CACNA1E: variants seen among roughly 807,000 people sequenced by gnomAD.
The protein encoded by CACNA1E is calcium voltage-gated channel subunit alpha1 E, also known as voltage-dependent R-type calcium channel subunit alpha-1E.
A neutral mutation model predicts 259.2 loss-of-function variants in CACNA1E; 40 were observed. That is an observed-to-expected ratio of 0.15 (90% confidence interval 0.12 to 0.20). CACNA1E has a LOEUF of 0.20. CACNA1E is among the 10% of genes least tolerant of loss of function. The pLI, the probability that CACNA1E is intolerant of heterozygous loss-of-function variation, is 1.00. For synonymous variants in CACNA1E, 1,104 were observed against 1,138.5 expected (o/e 0.97, Z 0.61); for missense variants, 1,874 against 3,040.1 (o/e 0.62, Z 9.02).
At position 181,761,990 on chromosome 1, in the gene CACNA1E, T is replaced by C. The variant is rs539262471; in HGVS notation, c.4606-584T>C. ...TATCCTATTACCAATCAGTAGTTGG[T>C]TTGAAAAGGCTCAATGGAGTTAGGA... On this transcript the variant is annotated intron_variant, in intron 32 of 47. Transcript: ENST00000367573. Among the ~76,000 whole-genome samples, 4 of 152,342 alleles carry C rather than the reference T, an allele frequency of 2.6e-5. No individual in the cohort carries two copies. The East Asian group carries it at 7.7e-4, about 29-fold the overall frequency.
chr1:181,719,126 C>T (rs762695253), intron 12 of CACNA1E, among the ~76,000 whole-genome samples: 14 of 152,186 alleles, frequency 9.2e-5, no homozygotes, highest in African/African-American at 1.7e-4. Flanking sequence ...CCGTACCTTT[C>T]GGCATTGCTG....
At chr1:181,322,027 T>G (rs1334588080) in intron 1 of CACNA1E, among the ~76,000 whole-genome samples, 2 of 152,034 alleles carry the variant, frequency 1.3e-5, no homozygotes, top group Non-Finnish European at 2.9e-5. Flanking sequence ...AGATGGGGCT[T>G]ATGGACAGGA....
At chr1:181,622,597 C>A (rs922948292) in intron 6 of CACNA1E, among the ~76,000 whole-genome samples, 102 of 152,210 alleles carry the variant, frequency 6.7e-4, no homozygotes, top group Non-Finnish European at 5.9e-5. Context: ...GTAATAATAC[C>A]AGTAAGGTTG....
chr1:181,425,452 G>A lies in CACNA1E; in HGVS notation c.434+11872G>A, dbSNP rs570792648. On this transcript the variant is annotated intron_variant, in intron 2 of 11. Coordinates refer to the CACNA1E transcript ENST00000524607. ...AGAAAAGGAAGTGCTCATTGTGGAGGAGGTGAACATAATTGGAGGAATTCG... is the reference window on the plus strand; with the variant it reads ...AGAAAAGGAAGTGCTCATTGTGGAGAAGGTGAACATAATTGGAGGAATTCG... Among the ~76,000 whole-genome samples, 24 of 152,234 alleles carry A rather than the reference G, an allele frequency of 1.6e-4. No homozygotes were observed. In the South Asian group the frequency reaches 2.5e-3, roughly 16 times the overall value.
rs149803681 is a variant in CACNA1E, at chr1:181,766,476, G to C, written c.4816-70G>C. The C allele has an allele frequency of 2.2e-3, 2,333 of 1,067,856 alleles. 35 individuals carry two copies. The African/African-American group carries it at 0.03, about 14-fold the overall frequency. The allele number at this position is 1,067,856 out of a possible 1,614,324, so 66.1% of individuals were successfully genotyped here. On this transcript the variant is annotated intron_variant, in intron 34 of 47. Coordinates refer to ENST00000367573, the MANE Select transcript of CACNA1E (RefSeq NM_001205293.3). ...CTCCAGGCAAGATCCTGTACTGCCGGTGACTGCAGGTTGTTGAGCTTGGGT... is the reference window on the plus strand; with the variant it reads ...CTCCAGGCAAGATCCTGTACTGCCGCTGACTGCAGGTTGTTGAGCTTGGGT...
At chr1:181,631,182 A>T (rs1434908255) in intron 6 of CACNA1E, among the ~76,000 whole-genome samples, 1 of 152,146 alleles carries the variant, frequency 6.6e-6, no homozygotes, top group Admixed American at 6.5e-5. Context: ...CATGATCCTC[A>T]GTTAATTAGG....
intron 6 of CACNA1E, among the ~76,000 whole-genome samples, chr1:181,634,420 C>A (rs1657021835): frequency 6.6e-6 from 1 of 152,218 alleles, no homozygotes; most frequent in South Asian, 2.1e-4. Context: ...GAAAGCGAGA[C>A]TGTCTTCCAT....
intron 1 of CACNA1E, among the ~76,000 whole-genome samples, chr1:181,509,251 A>T (rs1665971269): frequency 6.6e-6 from 1 of 152,130 alleles, no homozygotes. Context: ...CTCCCCAGAG[A>T]TGCCCTGGGT....
At position 181,489,840 on chromosome 1, in the gene CACNA1E, C is replaced by G. The variant is rs1300316474; in HGVS notation, c.266+5830C>G. On this transcript the variant is annotated intron_variant, in intron 1 of 47. Transcript: ENST00000367573. ...GTGTCTAACACTCCGCCACCACTAC[C>G]ACCACCACGATGTGGCTTCTAAAGC... 2.0e-5 allele frequency among the ~76,000 whole-genome samples: 3 copies of G among 152,188 alleles called. No homozygotes were observed. In the East Asian group the frequency reaches 5.8e-4, roughly 29 times the overall value.
At chr1:181,499,748 C>T (rs1343826098) in intron 1 of CACNA1E, among the ~76,000 whole-genome samples, 1 of 152,176 alleles carries the variant, frequency 6.6e-6, no homozygotes, top group East Asian at 1.9e-4. Context: ...GAGATAGGAC[C>T]CCTGTATTCT....
At chr1:181,662,862 T>C (rs1647828451) in intron 7 of CACNA1E, among the ~76,000 whole-genome samples, 1 of 152,220 alleles carries the variant, frequency 6.6e-6, no homozygotes, top group East Asian at 1.9e-4. Context: ...GGGCCCCACA[T>C]GAGGCCATCA....
Position 181,372,828 on chromosome 1 carries a change from A to ATATATTT in CACNA1E, c.-14-40304_-14-40303insATATTTT, listed in dbSNP as rs1491221060. Among the ~76,000 whole-genome samples, 27 of 101,644 alleles carry ATATATTT rather than the reference A, an allele frequency of 2.7e-4. 1 individual carries two copies. The highest frequency in any genetic ancestry group is 1.9e-3 in the East Asian group (8 of 4,178). 66.7% of individuals were successfully genotyped at this position (101,644 alleles called of 152,430 possible). A position where few individuals can be genotyped will look rare whatever the true frequency, so the allele number is the denominator to read the frequency against. ...ATGTTGAATATATATATATATATAT[A>ATATATTT]TTTTTTTTTTAACATGAAGGGATAT... On this transcript the variant is annotated intron_variant, in intron 1 of 11. Coordinates refer to the CACNA1E transcript ENST00000524607.
intron 2 of CACNA1E, among the ~76,000 whole-genome samples, chr1:181,458,824 C>CCCATCCATCCAT (rs57607890): frequency 4.7e-5 from 7 of 150,490 alleles, no homozygotes; most frequent in Admixed American, 4.0e-4. Flanking sequence ...CATTTATTTA[C>CCCATCCATCCAT]CCATCCATCC....
chr1:181,792,761 T>G (rs1046940262), intron 44 of CACNA1E, among the ~76,000 whole-genome samples: 1 of 152,242 alleles, frequency 6.6e-6, no homozygotes, highest in African/African-American at 2.4e-5. Context: ...TTAGGTCTTT[T>G]TGTTAGGTAG....
chr1:181,420,709 T>G (rs904094451), intron 2 of CACNA1E, among the ~76,000 whole-genome samples: 1 of 152,200 alleles, frequency 6.6e-6, no homozygotes, highest in African/African-American at 2.4e-5. Context: ...ATAGGTACCA[T>G]GATGAAGAAC....
At chr1:181,644,443 G>A (rs6697425) in intron 6 of CACNA1E, among the ~76,000 whole-genome samples, 16,950 of 152,106 alleles carry the variant, frequency 0.11, 1,463 homozygotes, top group African/African-American at 0.25. Context: ...CAGGAAACCC[G>A]TTATAGGCAT....
In CACNA1E at chr1:181,341,386, G is replaced by C. The variant is rs12756919; in HGVS notation, c.-15+23263G>C. Among the ~76,000 whole-genome samples, 23 of 152,098 alleles carry C rather than the reference G, an allele frequency of 1.5e-4. No homozygotes were observed. In the East Asian group the frequency reaches 4.0e-3, roughly 27 times the overall value. The stretch of plus-strand genomic sequence containing the variant: ...TTGCATTGTCAGGTTGACACCCAGA[G>C]TGTCTCATGCTGCTGCCTTGATTTC... On this transcript the variant is annotated intron_variant, in intron 1 of 11. Transcript: ENST00000524607.
intron 3 of CACNA1E, among the ~76,000 whole-genome samples, chr1:181,517,716 A>G (rs933064906): frequency 6.6e-6 from 1 of 152,072 alleles, no homozygotes; most frequent in Non-Finnish European, 1.5e-5. Flanking sequence ...GCACATGCAG[A>G]ACGATTTAGC....
chr1:181,395,430 T>C (rs1014838620), intron 1 of CACNA1E, among the ~76,000 whole-genome samples: 2 of 152,326 alleles, frequency 1.3e-5, no homozygotes, highest in African/African-American at 4.8e-5. Context: ...CCTGGTTATA[T>C]GAGTCAGAAA....
Sources: gnomAD v4.1 joint callset for allele counts (sites outside exome capture counted in the v4.1 genomes callset) on GRCh38, gnomAD v4.1.1 for gene constraint, MANE v1.5 for transcripts, NCBI Gene and HGNC (gene_info 2026-07-23, HGNC 2026-07-21) for gene names.